Variants in FAM83B observed in about 807,000 individuals in gnomAD.
FAM83B encodes protein FAM83B.
FAM83B carries 26 observed loss-of-function variants against 38.8 expected under a neutral mutation model. The ratio of observed to expected loss-of-function variants is 0.67; its 90% CI spans 0.49 to 0.93. The LOEUF (loss-of-function observed/expected upper bound fraction) is 0.93. Ranked by LOEUF, FAM83B falls within the 40% of genes least tolerant of loss-of-function variation. FAM83B has a pLI of 0.00. For missense variants in FAM83B, 1,237 were observed against 1,197.3 expected (o/e 1.03, Z -0.49); for synonymous variants, 419 against 423.1 (o/e 0.99, Z 0.12).
At chr6:54,906,368 TA>T (rs1470002982) in intron 2 of FAM83B, among the ~76,000 whole-genome samples, 2 of 152,038 alleles carry the variant, frequency 1.3e-5, no homozygotes, top group Non-Finnish European at 2.9e-5. Flanking sequence ...ATAAAACAAT[TA>T]TTATTATTTT....
At chr6:54,886,904 CTTA>C (rs143120964) in intron 2 of FAM83B, among the ~76,000 whole-genome samples, 4,244 of 151,620 alleles carry the variant, frequency 0.028, 200 homozygotes, top group African/African-American at 0.096. Flanking sequence ...TTATATATAC[CTTA>C]TTATTATTTA....
chr6:54,874,645 G>A lies in FAM83B; in HGVS notation c.444+3955G>A, dbSNP rs77759936. 6.2e-3 allele frequency among the ~76,000 whole-genome samples: 938 copies of A among 152,152 alleles called. 10 individuals are homozygous for A. Among genetic ancestry groups the A allele is most frequent in the African/African-American group, 0.021 (862 of 41,514 alleles). On this transcript the variant is annotated intron_variant, in intron 2 of 4. Transcript: ENST00000306858. ...TTTTTTCCTAGCCACTCAGTGGTAC[G>A]TATTTACAAAGTTATAACTTCTGAG... is the stretch of plus-strand genomic sequence containing the variant.
rs770898108 is a variant in FAM83B, at chr6:54,870,647, C to A, written c.401C>A (p.Thr134Lys). The A allele has an allele frequency of 2.5e-6, 4 of 1,607,768 alleles. No homozygotes were observed. The highest frequency in any genetic ancestry group is 3.4e-6 in the Non-Finnish European group (4 of 1,177,540). Residue 134 changes from threonine (T) to lysine (K), a missense_variant, in exon 2 of 5, where the codon ACG becomes AAG. Coordinates refer to ENST00000306858, the MANE Select transcript of FAM83B (RefSeq NM_001010872.3). ...CATCCACCAAGAGCACATCTACTTA[C>A]GATAAAAGAAACTATTCGGAAGATG... ...LFHPPRAHLL[T>K]IKETIRKMIK... is the part of the protein sequence containing the mutation.
chr6:54,897,934 A>G lies in FAM83B; in HGVS notation c.444+27244A>G, dbSNP rs1772576634. ...GGCAGAGAAAATACCCGAATGAATAAGAAACATACCTGAATTATTACATAT... is the reference window on the plus strand; with the variant it reads ...GGCAGAGAAAATACCCGAATGAATAGGAAACATACCTGAATTATTACATAT... On this transcript the variant is annotated intron_variant, in intron 2 of 4. Coordinates refer to ENST00000306858, the MANE Select transcript of FAM83B (RefSeq NM_001010872.3). 2.0e-5 allele frequency among the ~76,000 whole-genome samples: 3 copies of G among 152,232 alleles called. No individual in the cohort carries two copies. The South Asian group carries it at 6.2e-4, about 32-fold the overall frequency.
chr6:54,940,711 C>T lies in FAM83B; in HGVS notation c.1740C>T (p.Val580=), dbSNP rs371325026. 4 of 1,613,828 alleles carry T rather than the reference C, an allele frequency of 2.5e-6. No homozygotes were observed. In the African/African-American group the frequency reaches 4.0e-5, roughly 16 times the overall value. The change falls in exon 5 of 5, where the codon GTC becomes GTT. Residue 580 remains valine, a synonymous_variant. Transcript: ENST00000306858. ...GSQGSETPKE[V]PDTPTNVQHL... Reference sequence around the variant, plus strand: ...AGGGAAGTGAGACACCTAAAGAGGTCCCAGACACCCCTACGAATGTACAGC... The same window carrying T: ...AGGGAAGTGAGACACCTAAAGAGGTTCCAGACACCCCTACGAATGTACAGC...
At chr6:54,924,025 G>T (rs535076192) in intron 2 of FAM83B, among the ~76,000 whole-genome samples, 1 of 151,548 alleles carries the variant, frequency 6.6e-6, no homozygotes, top group East Asian at 1.9e-4. Flanking sequence ...AAGACATACC[G>T]TTATTTCTCT....
At chr6:54,922,615 G>A (rs1018738906) in intron 2 of FAM83B, among the ~76,000 whole-genome samples, 1 of 151,942 alleles carries the variant, frequency 6.6e-6, no homozygotes, top group African/African-American at 2.4e-5. Context: ...TAAGAAAAAG[G>A]TTGTGGGAAG....
chr6:54,940,299 G>A lies in FAM83B; in HGVS notation c.1328G>A (p.Ser443Asn), dbSNP rs1487781444. Residue 443 changes from serine to asparagine, a missense_variant, in exon 5 of 5, where the codon AGT becomes AAT. Physicochemically the swap from Ser to Asn is conservative, Grantham distance 46 (BLOSUM62 1). Coordinates refer to ENST00000306858, the MANE Select transcript of FAM83B (RefSeq NM_001010872.3). Reference sequence around the variant, plus strand: ...AGCCACCACAACACACCTGCCCAGAGTTTTGCCAATCGGCTTGCGCAGAGA... The same window carrying A: ...AGCCACCACAACACACCTGCCCAGAATTTTGCCAATCGGCTTGCGCAGAGA... ...YVSHHNTPAQ[S>N]FANRLAQRKT... The A allele has an allele frequency of 6.2e-7, 1 of 1,613,970 alleles. No individual in the cohort carries two copies. The highest frequency in any genetic ancestry group is 8.5e-7 in the Non-Finnish European group (1 of 1,180,022).
rs1773674816 is a variant in FAM83B, at chr6:54,941,071, A to G, written c.2100A>G (p.Lys700=). 1 of 1,613,522 alleles carries G rather than the reference A, an allele frequency of 6.2e-7. No homozygotes were observed. ...GAGTTAGACAACCAGAAAAGCCCAA[A>G]GAAGATTTGCTGAAAAGTTCTAAAA... ...RNRVRQPEKP[K]EDLLKSSKSM... is the part of the protein sequence containing the mutation. The change falls in exon 5 of 5, where the codon AAA becomes AAG. Residue 700 remains lysine (K), a synonymous_variant. Transcript: ENST00000306858.
intron 2 of FAM83B, among the ~76,000 whole-genome samples, chr6:54,884,175 G>A (rs573869302): frequency 3.3e-5 from 5 of 151,754 alleles, no homozygotes; most frequent in African/African-American, 4.9e-5. Flanking sequence ...GGTGGTGTGC[G>A]CCTGCAGTCC....
intron 4 of FAM83B, among the ~76,000 whole-genome samples, chr6:54,930,348 C>G (rs952000930): frequency 1.7e-4 from 26 of 152,202 alleles, no homozygotes; most frequent in African/African-American, 5.3e-4. Flanking sequence ...CCCAAATGCT[C>G]AGTTACAACC....
chr6:54,925,106 G>A (rs796770088), intron 2 of FAM83B, among the ~76,000 whole-genome samples: 3 of 152,142 alleles, frequency 2.0e-5, no homozygotes, highest in African/African-American at 4.8e-5. Context: ...AAAGTTGCTG[G>A]TTTCCTCTGC....
At chr6:54,909,285 G>A (rs1288296443) in intron 2 of FAM83B, among the ~76,000 whole-genome samples, 1 of 152,082 alleles carries the variant, frequency 6.6e-6, no homozygotes, top group African/African-American at 2.4e-5. Flanking sequence ...AGAACCAGAA[G>A]ACCAGCAAGC....
intron 2 of FAM83B, among the ~76,000 whole-genome samples, chr6:54,912,751 G>C (rs181202115): frequency 2.6e-5 from 4 of 152,040 alleles, no homozygotes; most frequent in African/African-American, 9.6e-5. Context: ...GAGAACAAAT[G>C]TTTTCTACCA....
chr6:54,930,470 T>C lies in FAM83B; in HGVS notation c.734+2838T>C, dbSNP rs115360867. Among the ~76,000 whole-genome samples, 1,159 of 152,236 alleles carry C rather than the reference T, an allele frequency of 7.6e-3. 13 individuals carry two copies. Among genetic ancestry groups the C allele is most frequent in the African/African-American group, 0.026 (1,089 of 41,552 alleles). The stretch of plus-strand genomic sequence containing the variant: ...ATTTGATCCATGATTTCTTAAATCC[T>C]GTATTTCCTCATTTTGTTTCCAAGT... On this transcript the variant is annotated intron_variant, in intron 4 of 4. Coordinates refer to ENST00000306858, the MANE Select transcript of FAM83B (RefSeq NM_001010872.3).
At chr6:54,880,698 C>T (rs1772115215) in intron 2 of FAM83B, among the ~76,000 whole-genome samples, 1 of 152,084 alleles carries the variant, frequency 6.6e-6, no homozygotes, top group Non-Finnish European at 1.5e-5. Context: ...CCGCCTCGGC[C>T]TCCCCAGGTG....
chr6:54,915,113 T>C (rs1488387355), intron 2 of FAM83B, among the ~76,000 whole-genome samples: 1 of 151,760 alleles, frequency 6.6e-6, no homozygotes, highest in East Asian at 1.9e-4. Flanking sequence ...CCCGAGTTTC[T>C]ATAGTTAAAA....
At chr6:54,862,878 C>G (rs374565470) in intron 1 of FAM83B, among the ~76,000 whole-genome samples, 2 of 150,078 alleles carry the variant, frequency 1.3e-5, no homozygotes, top group African/African-American at 4.9e-5. Flanking sequence ...AACCCCCCCC[C>G]AAAAAAACCA....
chr6:54,859,146 C>G (rs181215627), intron 1 of FAM83B, among the ~76,000 whole-genome samples: 3 of 151,944 alleles, frequency 2.0e-5, no homozygotes, highest in Non-Finnish European at 4.4e-5. Flanking sequence ...CTGCAACCTC[C>G]GCCTCCCGGG....
Sources: gnomAD v4.1 joint callset for allele counts (sites outside exome capture counted in the v4.1 genomes callset) on GRCh38, gnomAD v4.1.1 for gene constraint, MANE v1.5 for transcripts, NCBI Gene and HGNC (gene_info 2026-07-23, HGNC 2026-07-21) for gene names.